ZYG11A: variants seen among roughly 807,000 people sequenced by gnomAD.
ZYG11A encodes protein zyg-11 homolog A.
In ZYG11A, 62 loss-of-function variants were observed where a neutral mutation model predicts 77.2. The observed-to-expected ratio is 0.80, with a 90% CI of 0.65 to 0.99. The LOEUF (loss-of-function observed/expected upper bound fraction) is 0.99. ZYG11A is among the 50% of genes least tolerant of loss of function. The pLI, the probability that ZYG11A is intolerant of heterozygous loss-of-function variation, is 0.00. For missense variants in ZYG11A, 828 were observed against 896.8 expected (o/e 0.92, Z 0.98); for synonymous variants, 315 against 324.6 (o/e 0.97, Z 0.32).
intron 6 of ZYG11A, 44 bp downstream of exon 6, chr1:52,866,611 G>A (rs1276419097): frequency 8.4e-7 from 1 of 1,197,020 alleles, no homozygotes; most frequent in African/African-American, 1.5e-5. Flanking sequence ...TTGGCCTTTG[G>A]TTATTAAATG....
chr1:52,872,209 C>G (rs1000067368), intron 8 of ZYG11A, among the ~76,000 whole-genome samples: 1 of 152,160 alleles, frequency 6.6e-6, no homozygotes, highest in Non-Finnish European at 1.5e-5. Flanking sequence ...TCAAGCCATT[C>G]TCCTGCCTCA....
At chr1:52,858,480 T>C (rs1645860660) in intron 3 of ZYG11A, among the ~76,000 whole-genome samples, 1 of 151,406 alleles carries the variant, frequency 6.6e-6, no homozygotes, top group African/African-American at 2.4e-5. Context: ...TAGTTTTTTA[T>C]TTTTAGTAGA....
chr1:52,855,907 A>C (rs1645801413), intron 2 of ZYG11A, among the ~76,000 whole-genome samples: 1 of 152,176 alleles, frequency 6.6e-6, no homozygotes, highest in South Asian at 2.1e-4. Context: ...TAAAAAATTT[A>C]TTCTAAACTT....
At chr1:52,862,555 G>A (rs1378356797) in intron 4 of ZYG11A, among the ~76,000 whole-genome samples, 2 of 151,796 alleles carry the variant, frequency 1.3e-5, no homozygotes, top group Non-Finnish European at 2.9e-5. Context: ...CTCGTGATCC[G>A]CCCGCATTGG....
chr1:52,882,916 A>G (rs1436521291), intron 11 of ZYG11A, among the ~76,000 whole-genome samples: 4 of 151,374 alleles, frequency 2.6e-5, no homozygotes, highest in Non-Finnish European at 5.9e-5. Flanking sequence ...TCAGTCAGGA[A>G]GCTCATTTCC....
chr1:52,857,632 C>T lies in ZYG11A; in HGVS notation c.891C>T (p.Cys297=), dbSNP rs1445320947. ...VVSLDISGGN[C]ITDEAVELFI... ...CATTGGATATTTCTGGGGGCAATTG[C>T]ATCACTGATGAAGCTGTAGAACTGT... The change falls in exon 3 of 14, where the codon TGC becomes TGT. Residue 297 remains cysteine (C), a synonymous_variant. Transcript: ENST00000371528. The T allele has an allele frequency of 5.2e-6, 8 of 1,552,050 alleles. No individual in the cohort carries two copies. Among genetic ancestry groups the T allele is most frequent in the Middle Eastern group, 1.7e-4 (1 of 5,994 alleles).
intron 12 of ZYG11A, 82 bp from the exon 13 acceptor site, chr1:52,886,874 A>G: frequency 3.9e-6 from 2 of 515,632 alleles, no homozygotes; most frequent in South Asian, 3.0e-5. Flanking sequence ...TATTATATTA[A>G]TTATATAGTA....
At chr1:52,874,622 C>T (rs1303598972) in intron 8 of ZYG11A, among the ~76,000 whole-genome samples, 1 of 152,154 alleles carries the variant, frequency 6.6e-6, no homozygotes, top group Non-Finnish European at 1.5e-5. Context: ...ATCCCAGCAA[C>T]TTAGAAGGCT....
chr1:52,885,100 G>A (rs796766248), intron 11 of ZYG11A, among the ~76,000 whole-genome samples: 22 of 151,944 alleles, frequency 1.4e-4, no homozygotes, highest in African/African-American at 5.3e-4. Flanking sequence ...TAGTAGAGAC[G>A]GGTTTCACCG....
At chr1:52,886,236 G>T (rs539061002) in intron 12 of ZYG11A, among the ~76,000 whole-genome samples, 1 of 152,100 alleles carries the variant, frequency 6.6e-6, no homozygotes, top group African/African-American at 2.4e-5. Context: ...CTGGCCCAGT[G>T]TTGAGCTTTT....
At chr1:52,849,282 A>G (rs1571831356) in intron 1 of ZYG11A, among the ~76,000 whole-genome samples, 1 of 151,426 alleles carries the variant, frequency 6.6e-6, no homozygotes, top group South Asian at 2.1e-4. Context: ...ATTTGCCAGG[A>G]TGGTCTCAAT....
At chr1:52,850,236 C>T (rs951490282) in intron 1 of ZYG11A, among the ~76,000 whole-genome samples, 3 of 151,788 alleles carry the variant, frequency 2.0e-5, no homozygotes, top group African/African-American at 4.8e-5. Context: ...CTGCAACCTC[C>T]GCCTCCTGGG....
At chr1:52,874,180 CAA>C (rs776139129) in intron 8 of ZYG11A, among the ~76,000 whole-genome samples, 70 of 152,026 alleles carry the variant, frequency 4.6e-4, no homozygotes, top group Non-Finnish European at 9.0e-4. Flanking sequence ...CCTCCACCAG[CAA>C]AGAGATTACC....
intron 1 of ZYG11A, among the ~76,000 whole-genome samples, chr1:52,846,345 T>A (rs866843332): frequency 2.9e-5 from 1 of 33,956 alleles, no homozygotes; most frequent in East Asian, 1.9e-3. Flanking sequence ...TATATATATA[T>A]ATATATATAT....
In ZYG11A at chr1:52,863,988, C is replaced by G. The variant is rs1196676047; in HGVS notation, c.1157C>G (p.Ala386Gly). Residue 386 changes from alanine to glycine, a missense_variant, in exon 5 of 14, where the codon GCT becomes GGT. Physicochemically the swap from Ala to Gly is moderately conservative, Grantham distance 60. Coordinates refer to ENST00000371528, the MANE Select transcript of ZYG11A (RefSeq NM_001004339.3). ...VTMPAILKLV[A>G]IGMRNHPLDL... ...AAACAAGTTCATCTTCAGCTTGTGG[C>G]TATAGGAATGAGGAATCACCCATTG... 6.5e-7 allele frequency: 1 copy of G among 1,550,290 alleles called. No individual in the cohort carries two copies. Among genetic ancestry groups the G allele is most frequent in the Non-Finnish European group, 8.7e-7 (1 of 1,146,340 alleles).
chr1:52,892,758 T>A (rs1361527883), intron 13 of ZYG11A, 24 bp from the exon 14 acceptor site: 1 of 1,547,872 alleles, frequency 6.5e-7, no homozygotes, highest in Non-Finnish European at 8.7e-7. Flanking sequence ...GTCCATGGAG[T>A]GTCTCTGCTT....
Position 52,892,768 on chromosome 1 carries a change from T to C in ZYG11A, c.2105-14T>C. The C allele has an allele frequency of 3.9e-6, 6 of 1,550,918 alleles. No individual in the cohort carries two copies. The highest frequency in any genetic ancestry group is 5.2e-6 in the Non-Finnish European group (6 of 1,146,464). ...CAGTTGTCCATGGAGTGTCTCTGCT[T>C]GATTTTCTTTCAGCCAGCAAATACT... On this transcript the variant is annotated splice_polypyrimidine_tract_variant and intron_variant, in intron 13 of 13. Transcript: ENST00000371528.
chr1:52,866,023 C>T (rs1361527350), intron 5 of ZYG11A, among the ~76,000 whole-genome samples: 1 of 150,404 alleles, frequency 6.6e-6, no homozygotes, highest in Admixed American at 6.6e-5. Flanking sequence ...CTGCAAGCTC[C>T]GCCTCCCGGG....
At chr1:52,854,337 A>G (rs1645767622) in intron 1 of ZYG11A, 128 bp from the exon 2 acceptor site, 1 of 843,648 alleles carries the variant, frequency 1.2e-6, no homozygotes, top group Non-Finnish European at 1.7e-6. Flanking sequence ...CATATAAATC[A>G]TTACTAGAGT....
Sources: allele counts gnomAD v4.1 joint callset (sites outside exome capture counted in the v4.1 genomes callset), GRCh38; gene constraint gnomAD v4.1.1; transcripts MANE v1.5; gene names NCBI Gene and HGNC (gene_info 2026-07-23, HGNC 2026-07-21).